The following PCDHA7 variants were observed in gnomAD, a reference collection of about 807,000 sequenced individuals.
PCDHA7 encodes protocadherin alpha-7.
Under a neutral mutation model 57.2 loss-of-function variants are expected in PCDHA7, and 37 were observed. The ratio of observed to expected loss-of-function variants is 0.65; its 90% CI spans 0.50 to 0.85. The LOEUF (loss-of-function observed/expected upper bound fraction) is 0.85, where lower values mean the gene tolerates loss of function less well. PCDHA7 is among the 40% of genes least tolerant of loss of function. PCDHA7 has a pLI of 0.00. For missense variants in PCDHA7, 1,188 were observed against 1,241.8 expected, an observed-to-expected ratio of 0.96 and a Z score of 0.65; for synonymous variants, 553 against 558.8, an observed-to-expected ratio of 0.99 and a Z score of 0.15.
chr5:141,004,403 C>T (rs1424370254), intron 3 of PCDHA7, among the ~76,000 whole-genome samples: 1 of 152,166 alleles, frequency 6.6e-6, no homozygotes, highest in Non-Finnish European at 1.5e-5. Flanking sequence ...GGAGGAGGCA[C>T]CTGACTAGAT....
intron 1 of PCDHA7, among the ~76,000 whole-genome samples, chr5:140,957,549 C>T (rs563057107): frequency 6.6e-6 from 1 of 152,038 alleles, no homozygotes; most frequent in South Asian, 2.1e-4. Flanking sequence ...AAAGTATTCT[C>T]TGTGGAAAAG....
At chr5:140,876,916 G>A (rs2056692894) in intron 1 of PCDHA7, 3 of 1,613,960 alleles carry the variant, frequency 1.9e-6, no homozygotes, top group Non-Finnish European at 2.5e-6. Flanking sequence ...GGCATGGGAC[G>A]CGGACGCGCA....
chr5:140,928,452 G>A (rs1284379241), intron 1 of PCDHA7: 1 of 1,614,008 alleles, frequency 6.2e-7, no homozygotes, highest in Non-Finnish European at 8.5e-7. Flanking sequence ...AGCTCAGGGG[G>A]TTTCATTTCC....
At chr5:140,882,767 G>GC in intron 1 of PCDHA7, 1 of 1,614,176 alleles carries the variant, frequency 6.2e-7, no homozygotes, top group Non-Finnish European at 8.5e-7. Context: ...AGTAAACTCG[G>GC]CATTGACCTA....
intron 1 of PCDHA7, chr5:140,869,588 T>C (rs1404476349): frequency 3.7e-6 from 6 of 1,614,114 alleles, no homozygotes; most frequent in East Asian, 2.2e-5. Context: ...GATGCTGACA[T>C]TGAAGAGAAT....
At chr5:140,866,951 G>C (rs1207354253) in intron 1 of PCDHA7, 1 of 152,106 alleles carries the variant, frequency 6.6e-6, no homozygotes, top group African/African-American at 2.4e-5. Flanking sequence ...CTAGGGGCTG[G>C]TTGAGATGGT....
Position 140,966,719 on chromosome 5 carries a change from G to A in PCDHA7, c.2356-12230G>A, listed in dbSNP as rs373995406. On this transcript the variant is annotated intron_variant, in intron 1 of 3. Coordinates refer to ENST00000525929, the MANE Select transcript of PCDHA7 (RefSeq NM_018910.3). ...CCGGGCGTGGGGCACGGCTGGGGAA[G>A]CTGCCGCCTCCGGCCCTGCCCGGCT... 7.2e-6 allele frequency: 10 copies of A among 1,395,512 alleles called. No individual in the cohort carries two copies. The East Asian group carries it at 1.1e-4, about 16-fold the overall frequency. 86.4% of individuals were successfully genotyped at this position (1,395,512 alleles called of 1,614,324 possible).
At chr5:140,857,506 C>A in intron 1 of PCDHA7, 2 of 1,598,276 alleles carry the variant, frequency 1.3e-6, no homozygotes, top group Non-Finnish European at 1.7e-6. Flanking sequence ...CGCAGGAGAA[C>A]GCCCTGGTGT....
chr5:140,951,008 G>A (rs563188363), intron 1 of PCDHA7, among the ~76,000 whole-genome samples: 2 of 151,974 alleles, frequency 1.3e-5, no homozygotes, highest in South Asian at 4.2e-4. Flanking sequence ...TTTTTCCCAA[G>A]ATCAGGCAGT....
At chr5:140,937,402 CACA>C (rs1329840101) in intron 1 of PCDHA7, among the ~76,000 whole-genome samples, 1 of 152,034 alleles carries the variant, frequency 6.6e-6, no homozygotes, top group African/African-American at 2.4e-5. Flanking sequence ...AGGGGTATTG[CACA>C]ACTTTTATTA....
intron 1 of PCDHA7, chr5:140,868,630 T>G (rs1440809892): frequency 6.5e-6 from 1 of 154,578 alleles, no homozygotes; most frequent in Non-Finnish European, 1.4e-5. Context: ...CTGAATTCTC[T>G]TTCTCTCTCA....
At chr5:141,004,213 GGTCA>G (rs3842022) in intron 3 of PCDHA7, among the ~76,000 whole-genome samples, 2 of 152,208 alleles carry the variant, frequency 1.3e-5, no homozygotes, top group East Asian at 3.8e-4. Context: ...CAGATTAGGA[GGTCA>G]GTCAGTGTTT....
intron 1 of PCDHA7, among the ~76,000 whole-genome samples, chr5:140,942,271 A>G (rs1421470016): frequency 6.6e-6 from 1 of 152,184 alleles, no homozygotes; most frequent in Non-Finnish European, 1.5e-5. Context: ...AAAGCTGGTA[A>G]TGGTGGCTCA....
chr5:140,941,191 T>TTTC (rs1487503403), intron 1 of PCDHA7, among the ~76,000 whole-genome samples: 199 of 93,252 alleles, frequency 2.1e-3, no homozygotes, highest in Middle Eastern at 0.015. Flanking sequence ...GCTTCTTTTT[T>TTTC]TTTCTTTCTT....
At chr5:140,912,914 T>C (rs141956430) in intron 1 of PCDHA7, among the ~76,000 whole-genome samples, 326 of 152,372 alleles carry the variant, frequency 2.1e-3, no homozygotes, top group African/African-American at 7.4e-3. Context: ...ATTGATTGAT[T>C]TGTGTATGTT....
chr5:140,915,864 T>A (rs1170888594), intron 1 of PCDHA7, among the ~76,000 whole-genome samples: 1 of 152,166 alleles, frequency 6.6e-6, no homozygotes. Flanking sequence ...CAAGTTTGCA[T>A]CCTTCCCTTT....
chr5:141,011,102 CT>C lies in PCDHA7; in HGVS notation c.*1166del, dbSNP rs2098419453. The C allele has an allele frequency of 1.3e-5, 2 of 153,744 alleles. No homozygotes were observed. The highest frequency in any genetic ancestry group is 6.5e-5 in the Admixed American group (1 of 15,280). The allele number at this position is 153,744 out of a possible 1,614,324, so 9.5% of individuals were successfully genotyped here. On this transcript the variant is annotated 3_prime_UTR_variant, in exon 4 of 4. Transcript: ENST00000525929. ...ATGATCTCTCTTTCTCTCTCTCTCT[CT>C]CTTTTCTAAGAAACAATTATGTGCA...
chr5:140,970,018 C>G (rs1383957568), intron 1 of PCDHA7, among the ~76,000 whole-genome samples: 9 of 151,942 alleles, frequency 5.9e-5, no homozygotes, highest in African/African-American at 2.2e-4. Context: ...GATGGTGAGG[C>G]AGAGAGATTA....
At chr5:140,854,823 T>C (rs1007254376) in intron 1 of PCDHA7, among the ~76,000 whole-genome samples, 1 of 149,812 alleles carries the variant, frequency 6.7e-6, no homozygotes, top group Non-Finnish European at 1.5e-5. Flanking sequence ...CAAGTGGTGA[T>C]GAAAAACTTC....
Sources: allele counts gnomAD v4.1 joint callset (sites outside exome capture counted in the v4.1 genomes callset), GRCh38; gene constraint gnomAD v4.1.1; transcripts MANE v1.5; gene names NCBI Gene and HGNC (gene_info 2026-07-23, HGNC 2026-07-21).